FSTL4: variants seen among roughly 807,000 people sequenced by gnomAD.
FSTL4 encodes the protein follistatin-related protein 4.
A neutral mutation model predicts 78.2 loss-of-function variants in FSTL4; 28 were observed. The observed-to-expected ratio is 0.36, with a 90% confidence interval of 0.27 to 0.49. FSTL4 has a LOEUF of 0.49. Among genes scored for constraint, FSTL4 ranks in the 20% least tolerant of loss-of-function variants. The probability of loss-of-function intolerance (pLI) is 0.98; values close to 1 mark genes in which losing one functional copy is unlikely to be tolerated. For missense variants in FSTL4, 922 were observed against 1,084.9 expected (o/e 0.85, Z 2.11); for synonymous variants, 422 against 440.5 (o/e 0.96, Z 0.53).
At chr5:133,215,979 A>G (rs146060132) in intron 13 of FSTL4, among the ~76,000 whole-genome samples, 71 of 152,278 alleles carry the variant, frequency 4.7e-4, no homozygotes, top group African/African-American at 1.7e-3. Context: ...CTTAATTGAA[A>G]CACATCTGCA....
intron 3 of FSTL4, among the ~76,000 whole-genome samples, chr5:133,550,597 C>T (rs1182302560): frequency 6.6e-6 from 1 of 152,204 alleles, no homozygotes; most frequent in Non-Finnish European, 1.5e-5. Flanking sequence ...ATCCATACAA[C>T]TGCCATAGGA....
At chr5:133,698,041 A>G in the FSTL4 span, among the ~76,000 whole-genome samples, 1 of 152,162 alleles carries the variant, frequency 6.6e-6, no homozygotes, top group Admixed American at 6.5e-5. Context: ...ATTCAATTCC[A>G]TGAGGATTTA....
intron 3 of FSTL4, among the ~76,000 whole-genome samples, chr5:133,538,680 A>G (rs147276652): frequency 1.3e-5 from 2 of 151,916 alleles, no homozygotes; most frequent in African/African-American, 4.8e-5. Flanking sequence ...ATGCACTCCT[A>G]TTTTATTCAG....
chr5:133,225,640 A>G lies in FSTL4; in HGVS notation c.1177+18T>C, dbSNP rs766422625. On this transcript the variant is annotated intron_variant, in intron 9 of 15. Coordinates refer to ENST00000265342, the MANE Select transcript of FSTL4 (RefSeq NM_015082.2). The surrounding 1 kb of genome is among the most constrained non-coding windows in gnomAD (Gnocchi z 4.6). ...GAATGGGAATATCGCATAGACGTCT[A>G]CCAAGGGCAGTTCTTACCTAAAAGG... 6.4e-7 allele frequency: 1 copy of G among 1,557,398 alleles called. No individual in the cohort carries two copies. The highest frequency in any genetic ancestry group is 1.2e-5 in the South Asian group (1 of 81,340).
At chr5:133,322,792 G>A (rs1754103953) in intron 4 of FSTL4, among the ~76,000 whole-genome samples, 1 of 152,252 alleles carries the variant, frequency 6.6e-6, no homozygotes, top group Admixed American at 6.5e-5. Flanking sequence ...GGCTGAAGCT[G>A]CAGGTGCCTG....
chr5:133,221,917 T>TTTTTGTTTG (rs1554097232), intron 11 of FSTL4, among the ~76,000 whole-genome samples: 3 of 124,998 alleles, frequency 2.4e-5, no homozygotes, highest in Non-Finnish European at 4.8e-5. Context: ...TTTTTTTTTT[T>TTTTTGTTTG]TTTTTTTTTT....
chr5:133,339,027 G>A (rs557093784), intron 4 of FSTL4, among the ~76,000 whole-genome samples: 11 of 152,274 alleles, frequency 7.2e-5, no homozygotes, highest in African/African-American at 2.4e-4. Flanking sequence ...TCGGGCTGGA[G>A]CCAGGCAGCG....
At chr5:133,448,597 GCTCA>G (rs1757313807) in intron 3 of FSTL4, among the ~76,000 whole-genome samples, 1 of 152,190 alleles carries the variant, frequency 6.6e-6, no homozygotes, top group African/African-American at 2.4e-5. Flanking sequence ...TCAGAGCTCA[GCTCA>G]CTGTCACTGT....
chr5:133,574,044 T>C (rs1240474357), intron 2 of FSTL4, among the ~76,000 whole-genome samples: 1 of 152,222 alleles, frequency 6.6e-6, no homozygotes, highest in Non-Finnish European at 1.5e-5. Context: ...TCAGACTTTA[T>C]TAAAATTAGG....
chr5:133,547,179 C>T (rs1207356728), intron 3 of FSTL4, among the ~76,000 whole-genome samples: 1 of 152,124 alleles, frequency 6.6e-6, no homozygotes, highest in African/African-American at 2.4e-5. Context: ...AATGTTGTTC[C>T]CTGTAGGGCT....
At chr5:133,320,645 G>A (rs17166565) in intron 4 of FSTL4, among the ~76,000 whole-genome samples, 7,749 of 152,210 alleles carry the variant, frequency 0.051, 272 homozygotes, top group African/African-American at 0.098. Context: ...GCTCTTTCAC[G>A]TAGTCCAGCC....
chr5:133,281,851 C>T (rs928414470), intron 6 of FSTL4, among the ~76,000 whole-genome samples: 5 of 152,072 alleles, frequency 3.3e-5, no homozygotes, highest in African/African-American at 1.2e-4. Flanking sequence ...GTCAGGACTT[C>T]TGGGGAGTGT....
chr5:133,773,381 C>T, the FSTL4 span, among the ~76,000 whole-genome samples: 28 of 152,260 alleles, frequency 1.8e-4, no homozygotes, highest in Middle Eastern at 6.8e-3. Context: ...GGGAGACTGA[C>T]CTGTATAGAT....
At chr5:133,247,968 A>C (rs559785489) in intron 7 of FSTL4, 5 of 152,378 alleles carry the variant, frequency 3.3e-5, no homozygotes, top group African/African-American at 1.2e-4. Context: ...GCAGCATTTC[A>C]TGCTGGGTCT....
chr5:133,523,150 C>A (rs1337162706), intron 3 of FSTL4, among the ~76,000 whole-genome samples: 3 of 152,202 alleles, frequency 2.0e-5, no homozygotes, highest in Non-Finnish European at 4.4e-5. Flanking sequence ...CCAGCCGTCT[C>A]TCTCCCGGCA....
chr5:133,552,552 C>T (rs1320265921), intron 3 of FSTL4, among the ~76,000 whole-genome samples: 2 of 152,120 alleles, frequency 1.3e-5, no homozygotes, highest in Admixed American at 1.3e-4. Flanking sequence ...TATTTTCAAA[C>T]GATGGCAACT....
chr5:133,517,206 TGAG>T (rs1235806769), intron 3 of FSTL4, among the ~76,000 whole-genome samples: 1 of 151,474 alleles, frequency 6.6e-6, no homozygotes, highest in African/African-American at 2.4e-5. Context: ...GTGGATCACC[TGAG>T]GTCAGGAGTT....
intron 3 of FSTL4, among the ~76,000 whole-genome samples, chr5:133,553,762 A>T (rs1010117034): frequency 6.6e-6 from 1 of 152,174 alleles, no homozygotes; most frequent in African/African-American, 2.4e-5. Context: ...ACTTAAACGA[A>T]AGTCAAAACA....
the FSTL4 span, among the ~76,000 whole-genome samples, chr5:133,626,539 C>T: frequency 1.3e-5 from 2 of 150,720 alleles, no homozygotes; most frequent in African/African-American, 4.9e-5. Context: ...CTATAACTTT[C>T]CCTCTCAGAA....
Sources: gnomAD v4.1 joint callset for allele counts (sites outside exome capture counted in the v4.1 genomes callset) on GRCh38, gnomAD v4.1.1 for gene constraint, Gnocchi (gnomAD v3.1) non-coding constraint, MANE v1.5 for transcripts, NCBI Gene and HGNC (gene_info 2026-07-23, HGNC 2026-07-21) for gene names.